CXADR: variants seen among roughly 807,000 people sequenced by gnomAD.
The protein encoded by CXADR is CXADR cell adhesion molecule.
In CXADR, 20 loss-of-function variants were observed where a neutral mutation model predicts 40.3. The ratio of observed to expected loss-of-function variants is 0.50; its 90% CI spans 0.35 to 0.72. CXADR has a LOEUF of 0.72. CXADR is among the 30% of genes least tolerant of loss of function. CXADR has a pLI of 0.01. For synonymous variants in CXADR, 150 were observed against 161.3 expected, an observed-to-expected ratio of 0.93 and a Z score of 0.53; for missense variants, 332 against 449.1, an observed-to-expected ratio of 0.74 and a Z score of 2.36.
rs748734270 is a variant in CXADR, at chr21:17,513,209, G to C, written c.43+37G>C. 6 of 1,348,872 alleles carry C rather than the reference G, an allele frequency of 4.4e-6. No homozygotes were observed. The East Asian group carries it at 1.2e-4, about 28-fold the overall frequency. 83.6% of individuals were successfully genotyped at this position (1,348,872 alleles called of 1,614,324 possible). On this transcript the variant is annotated intron_variant, in intron 1 of 6. Transcript: ENST00000284878. ...CCATGGGGTCCTCAGCACCCGCCCA[G>C]CCCGGGGGCGCTCGCTGCCCGCGGC...
intron 1 of CXADR, among the ~76,000 whole-genome samples, chr21:17,514,025 C>T (rs1158859693): frequency 1.3e-5 from 2 of 152,100 alleles, no homozygotes; most frequent in African/African-American, 4.8e-5. Context: ...AATGCGTGGA[C>T]CATTAGGAGG....
chr21:17,572,085 G>C (rs1183837655), downstream of CXADR, among the ~76,000 whole-genome samples: 1 of 152,124 alleles, frequency 6.6e-6, no homozygotes, highest in African/African-American at 2.4e-5. Flanking sequence ...GTATTGGCCA[G>C]GTTGGGTGGC....
intron 4 of CXADR, 55 bp from the exon 5 acceptor site, chr21:17,560,647 T>C (rs1293417977): frequency 2.6e-6 from 4 of 1,545,626 alleles, no homozygotes; most frequent in Admixed American, 1.7e-5. Context: ...TACTAACACC[T>C]GATAACAATA....
At chr21:17,634,340 G>A in the CXADR span, among the ~76,000 whole-genome samples, 1 of 152,148 alleles carries the variant, frequency 6.6e-6, no homozygotes, top group Non-Finnish European at 1.5e-5. Flanking sequence ...TACTTTTTAA[G>A]ACTTTGCAAA....
intron 1 of CXADR, among the ~76,000 whole-genome samples, chr21:17,521,453 G>C (rs890501750): frequency 2.6e-5 from 4 of 152,274 alleles, no homozygotes; most frequent in Non-Finnish European, 5.9e-5. Context: ...GTCCCGAGTA[G>C]CTGGGAATAC....
chr21:17,632,650 G>A, the CXADR span, among the ~76,000 whole-genome samples: 3,816 of 151,694 alleles, frequency 0.025, 150 homozygotes, highest in African/African-American at 0.083. Flanking sequence ...GGCGGATCAC[G>A]AGGTCAGAAG....
At chr21:17,559,909 G>C (rs990711118) in intron 4 of CXADR, among the ~76,000 whole-genome samples, 2 of 151,484 alleles carry the variant, frequency 1.3e-5, no homozygotes, top group African/African-American at 4.9e-5. Context: ...AAACTCCTGG[G>C]CTCAAGCTCT....
intron 7 of CXADR, among the ~76,000 whole-genome samples, chr21:17,588,667 C>T (rs2061414397): frequency 6.6e-6 from 1 of 152,026 alleles, no homozygotes; most frequent in African/African-American, 2.4e-5. Context: ...TTCTGTTTCA[C>T]TGGTGAATTA....
chr21:17,592,359 G>A (rs1172209746), intron 7 of CXADR, among the ~76,000 whole-genome samples: 1 of 151,408 alleles, frequency 6.6e-6, no homozygotes, highest in Non-Finnish European at 1.5e-5. Flanking sequence ...TTTAAATCTA[G>A]ATAATACCTA....
chr21:17,594,271 C>A (rs1394686885), downstream of CXADR: 19 of 1,613,028 alleles, frequency 1.2e-5, no homozygotes, highest in African/African-American at 2.7e-5. Flanking sequence ...TCGATACATT[C>A]CTGGCTTTTT....
the CXADR span, among the ~76,000 whole-genome samples, chr21:17,600,057 A>C: frequency 6.6e-6 from 1 of 152,040 alleles, no homozygotes; most frequent in Admixed American, 6.5e-5. Flanking sequence ...AGATGAAAAA[A>C]TCTTGTTATT....
intron 1 of CXADR, chr21:17,518,588 C>A: frequency 7.7e-7 from 1 of 1,293,398 alleles, no homozygotes; most frequent in East Asian, 2.3e-5. Flanking sequence ...TCATCCTCCT[C>A]ATCAGTGTCT....
chr21:17,526,381 C>T (rs2060598650), intron 1 of CXADR, among the ~76,000 whole-genome samples: 1 of 152,080 alleles, frequency 6.6e-6, no homozygotes, highest in Admixed American at 6.5e-5. Context: ...CTCTTGTAGT[C>T]ATCAAAACAT....
the CXADR span, among the ~76,000 whole-genome samples, chr21:17,633,795 C>T: frequency 6.6e-6 from 1 of 152,172 alleles, no homozygotes; most frequent in Non-Finnish European, 1.5e-5. Context: ...ATCTATTCTT[C>T]CTCTAAAATT....
chr21:17,620,030 A>G, the CXADR span, among the ~76,000 whole-genome samples: 2 of 152,176 alleles, frequency 1.3e-5, no homozygotes, highest in African/African-American at 4.8e-5. Flanking sequence ...CTTTCTCCAT[A>G]TCAGCAATAT....
chr21:17,569,159 G>A lies in CXADR; in HGVS notation c.*3467G>A. 1 of 985,382 alleles carries A rather than the reference G, an allele frequency of 1.0e-6. No homozygotes were observed. Among genetic ancestry groups the A allele is most frequent in the Non-Finnish European group, 1.2e-6 (1 of 829,912 alleles). 61.0% of individuals were successfully genotyped at this position (985,382 alleles called of 1,614,324 possible). On this transcript the variant is annotated 3_prime_UTR_variant, in exon 7 of 7. Coordinates refer to ENST00000284878, the MANE Select transcript of CXADR (RefSeq NM_001338.5). Reference sequence around the variant, plus strand: ...TCTCAGTGTCTTTTGTGTGCGTGCAGCATGTACATTTGATGTTATGTGAAT... The same window carrying A: ...TCTCAGTGTCTTTTGTGTGCGTGCAACATGTACATTTGATGTTATGTGAAT...
chr21:17,585,624 T>C (rs2061389697), intron 7 of CXADR, among the ~76,000 whole-genome samples: 1 of 152,142 alleles, frequency 6.6e-6, no homozygotes, highest in Non-Finnish European at 1.5e-5. Context: ...TTCAAGCGAT[T>C]CTCCTGCCTC....
At chr21:17,514,980 T>TG (rs933052393) in intron 1 of CXADR, among the ~76,000 whole-genome samples, 2 of 152,122 alleles carry the variant, frequency 1.3e-5, no homozygotes, top group African/African-American at 4.8e-5. Flanking sequence ...TTAATTTTTT[T>TG]TTTTTGGAAT....
At chr21:17,603,984 C>T in the CXADR span, among the ~76,000 whole-genome samples, 1 of 152,212 alleles carries the variant, frequency 6.6e-6, no homozygotes, top group Non-Finnish European at 1.5e-5. Context: ...GAAAACCCTA[C>T]AACTGAGAGT....
Sources: allele counts gnomAD v4.1 joint callset (sites outside exome capture counted in the v4.1 genomes callset), GRCh38; gene constraint gnomAD v4.1.1; transcripts MANE v1.5; gene names NCBI Gene and HGNC (gene_info 2026-07-23, HGNC 2026-07-21).